Variants in OPCML observed in about 807,000 individuals in gnomAD.
OPCML encodes the protein opioid binding protein/cell adhesion molecule like.
Under a neutral mutation model 37.8 loss-of-function variants are expected in OPCML, and 13 were observed. The ratio of observed to expected loss-of-function variants is 0.34; its 90% CI spans 0.22 to 0.55. OPCML has a LOEUF of 0.55. Among genes scored for constraint, OPCML ranks in the 20% least tolerant of loss-of-function variants. The pLI is 0.91. For missense variants in OPCML, 341 were observed against 435.6 expected, an observed-to-expected ratio of 0.78 and a Z score of 1.93; for synonymous variants, 176 against 168.8, an observed-to-expected ratio of 1.04 and a Z score of -0.33.
chr11:132,624,380 T>C (rs763891626), intron 3 of OPCML, among the ~76,000 whole-genome samples: 2 of 152,190 alleles, frequency 1.3e-5, no homozygotes, highest in Non-Finnish European at 2.9e-5. Context: ...TTTGTTTCCT[T>C]TCACATTTCT....
intron 1 of OPCML, among the ~76,000 whole-genome samples, chr11:133,385,053 C>G (rs1054626717): frequency 3.3e-5 from 5 of 152,178 alleles, no homozygotes; most frequent in African/African-American, 9.7e-5. Flanking sequence ...ACCTAGTGAC[C>G]TGTAATGGAT....
At chr11:132,744,541 A>G (rs539325990) in intron 2 of OPCML, among the ~76,000 whole-genome samples, 4 of 152,332 alleles carry the variant, frequency 2.6e-5, no homozygotes, top group African/African-American at 9.6e-5. Context: ...CAGAGAGCCA[A>G]ATTGAAGGTC....
chr11:132,915,480 C>T (rs1395939940), intron 2 of OPCML, among the ~76,000 whole-genome samples: 3 of 152,170 alleles, frequency 2.0e-5, no homozygotes, highest in Non-Finnish European at 2.9e-5. Flanking sequence ...ATCAGAAGTA[C>T]ATCCCAAGAG....
chr11:132,990,000 T>C (rs1946747383), intron 1 of OPCML, among the ~76,000 whole-genome samples: 1 of 152,144 alleles, frequency 6.6e-6, no homozygotes, highest in Admixed American at 6.5e-5. Context: ...AGGGTATGTG[T>C]GGATTAGAAG....
At chr11:132,672,986 A>T (rs1942542556) in intron 2 of OPCML, among the ~76,000 whole-genome samples, 1 of 152,096 alleles carries the variant, frequency 6.6e-6, no homozygotes. Context: ...GAAATAAGAG[A>T]CTTTGCTCTT....
chr11:132,989,517 T>C (rs979799161), intron 1 of OPCML, among the ~76,000 whole-genome samples: 6 of 151,994 alleles, frequency 3.9e-5, no homozygotes, highest in African/African-American at 1.5e-4. Flanking sequence ...GAATTCTGAA[T>C]GATGGCTAAG....
rs1308075037 is a variant in OPCML at position 132,501,809 on chromosome 11, T to C, written c.505+27252A>G. ...ATTTTAACAAATTTCTAGCTAATTG[T>C]AGACAAATTCCTAGTTAGTATGGTC... On this transcript the variant is annotated intron_variant, in intron 4 of 7. Transcript: ENST00000524381. Among the ~76,000 whole-genome samples the C allele has an allele frequency of 2.6e-5, 4 of 152,300 alleles. No individual in the cohort carries two copies. The East Asian group carries it at 7.7e-4, about 29-fold the overall frequency.
intron 1 of OPCML, among the ~76,000 whole-genome samples, chr11:133,267,007 C>T (rs1565538538): frequency 6.6e-6 from 1 of 152,174 alleles, no homozygotes; most frequent in African/African-American, 2.4e-5. Context: ...GATACATCTC[C>T]TATGTTGTCT....
chr11:132,466,440 C>T (rs1487860731), intron 4 of OPCML, among the ~76,000 whole-genome samples: 1 of 150,894 alleles, frequency 6.6e-6, no homozygotes, highest in Non-Finnish European at 1.5e-5. Context: ...GCCGAGATCA[C>T]GCCACTGCAC....
At chr11:133,008,235 T>C in intron 1 of OPCML, 1 of 985,404 alleles carries the variant, frequency 1.0e-6, no homozygotes, top group Non-Finnish European at 1.2e-6. Context: ...TGTTGGCCAC[T>C]TGTGACTTAG....
intron 3 of OPCML, among the ~76,000 whole-genome samples, chr11:132,589,944 A>G (rs1484553090): frequency 1.3e-5 from 2 of 152,216 alleles, no homozygotes; most frequent in African/African-American, 4.8e-5. Context: ...GTTTTTAAAC[A>G]ACACTTGAAC....
chr11:132,978,175 A>C (rs182974780), intron 1 of OPCML, among the ~76,000 whole-genome samples: 139 of 152,264 alleles, frequency 9.1e-4, no homozygotes, highest in Non-Finnish European at 1.7e-3. Flanking sequence ...ATACAAAGAA[A>C]CACAAGTAGT....
chr11:133,209,146 A>G (rs184795023), intron 1 of OPCML, among the ~76,000 whole-genome samples: 14 of 152,358 alleles, frequency 9.2e-5, no homozygotes, highest in African/African-American at 7.2e-5. Flanking sequence ...CTGTGATTAA[A>G]TAATTATTGG....
chr11:132,934,955 C>T (rs1417453471), intron 2 of OPCML, among the ~76,000 whole-genome samples: 1 of 152,026 alleles, frequency 6.6e-6, no homozygotes, highest in Non-Finnish European at 1.5e-5. Context: ...GCCTGACCAA[C>T]ATAGAGAAAC....
chr11:132,875,342 T>C (rs1198973458), intron 2 of OPCML, among the ~76,000 whole-genome samples: 1 of 152,194 alleles, frequency 6.6e-6, no homozygotes, highest in Non-Finnish European at 1.5e-5. Context: ...ATATCAAAAT[T>C]ATAAATTGTT....
intron 1 of OPCML, among the ~76,000 whole-genome samples, chr11:132,986,884 CAAT>C (rs1425828766): frequency 1.3e-5 from 2 of 152,030 alleles, no homozygotes; most frequent in Admixed American, 1.3e-4. Context: ...GAATGAATTC[CAAT>C]AATGAGTCTT....
intron 3 of OPCML, among the ~76,000 whole-genome samples, chr11:132,600,027 T>G (rs1319249260): frequency 1.3e-5 from 2 of 152,198 alleles, no homozygotes; most frequent in Non-Finnish European, 2.9e-5. Flanking sequence ...TTCGCTCTAG[T>G]CAAAGATCCG....
At chr11:132,592,845 G>A (rs1009509762) in intron 3 of OPCML, among the ~76,000 whole-genome samples, 7 of 152,180 alleles carry the variant, frequency 4.6e-5, no homozygotes, top group Non-Finnish European at 8.8e-5. Flanking sequence ...TACCTGGAAC[G>A]TAGTAAACAC....
intron 1 of OPCML, among the ~76,000 whole-genome samples, chr11:133,277,552 G>T (rs1246951739): frequency 6.6e-6 from 1 of 152,064 alleles, no homozygotes; most frequent in Non-Finnish European, 1.5e-5. Context: ...CTGGACAATG[G>T]CCTCTTCCAC....
Sources: allele counts gnomAD v4.1 joint callset (sites outside exome capture counted in the v4.1 genomes callset), GRCh38; gene constraint gnomAD v4.1.1; transcripts MANE v1.5; gene names NCBI Gene and HGNC (gene_info 2026-07-23, HGNC 2026-07-21).